Variants in CFAP20DC observed in about 807,000 individuals in gnomAD.
The protein encoded by CFAP20DC is CFAP20 domain containing.
Under a neutral mutation model 101.7 loss-of-function variants are expected in CFAP20DC, and 84 were observed. The observed-to-expected ratio is 0.83, with a 90% CI of 0.69 to 0.99. The LOEUF (loss-of-function observed/expected upper bound fraction) is 0.99. Ranked by LOEUF, CFAP20DC falls within the 50% of genes least tolerant of loss-of-function variation. The pLI is 0.00. For synonymous variants in CFAP20DC, 359 were observed against 351.2 expected (o/e 1.02, Z -0.25); for missense variants, 1,007 against 970.3 (o/e 1.04, Z -0.50).
chr3:58,803,417 A>G (rs1330652745), intron 15 of CFAP20DC, among the ~76,000 whole-genome samples: 2 of 152,178 alleles, frequency 1.3e-5, no homozygotes, highest in Non-Finnish European at 2.9e-5. Flanking sequence ...ATATTTTTTC[A>G]TATTAATTAT....
intron 5 of CFAP20DC, among the ~76,000 whole-genome samples, chr3:58,918,162 CTCCTTCAACTCTGGAGTTGAAGT>C (rs1428510309): frequency 1.3e-5 from 2 of 152,160 alleles, no homozygotes; most frequent in Admixed American, 6.5e-5. Flanking sequence ...GATATTACTT[CTCCTTCAACTCTGGAGTTGAAGT>C]TCACTTATGG....
chr3:58,976,435 T>A (rs1358536537), intron 4 of CFAP20DC, among the ~76,000 whole-genome samples: 2 of 152,174 alleles, frequency 1.3e-5, no homozygotes, highest in African/African-American at 4.8e-5. Context: ...CAGCACCAGC[T>A]GAGGAAAGCT....
At chr3:58,856,346 C>G (rs998483271) in intron 12 of CFAP20DC, among the ~76,000 whole-genome samples, 4 of 148,482 alleles carry the variant, frequency 2.7e-5, no homozygotes, top group Admixed American at 6.8e-5. Flanking sequence ...TTTCAGTGTT[C>G]CAGATAGGGT....
chr3:58,866,294 T>C (rs999992569), intron 11 of CFAP20DC, among the ~76,000 whole-genome samples: 6 of 152,204 alleles, frequency 3.9e-5, no homozygotes, highest in Admixed American at 2.6e-4. Flanking sequence ...CTGGTCATCT[T>C]TGGGGAGGGT....
At chr3:58,860,195 GAAAGAAA>G (rs2079137303) in intron 12 of CFAP20DC, among the ~76,000 whole-genome samples, 3 of 123,632 alleles carry the variant, frequency 2.4e-5, no homozygotes, top group Non-Finnish European at 5.3e-5. Context: ...AAAAAAAAAA[GAAAGAAA>G]AAAGAAAAAA....
chr3:58,971,864 TACACACAC>T lies in CFAP20DC; in HGVS notation c.279-34110_279-34103del, dbSNP rs34030341. Among the ~76,000 whole-genome samples, 1 of 142,380 alleles carries T rather than the reference TACACACAC, an allele frequency of 7.0e-6. No homozygotes were observed. The highest frequency in any genetic ancestry group is 1.6e-5 in the Non-Finnish European group (1 of 64,158). 93.4% of individuals were successfully genotyped at this position (142,380 alleles called of 152,430 possible). ...CTGTAATATCATACACACGCACACA[TACACACAC>T]ACACACACACACACACACACAATTA... On this transcript the variant is annotated intron_variant, in intron 4 of 16. Coordinates refer to ENST00000482387, the MANE Select transcript of CFAP20DC (RefSeq NM_001394063.1). This position sits in a 1 kb window ranked among gnomAD's most constrained non-coding sequence, Gnocchi z 4.1.
chr3:58,744,651 G>A (rs1196221086), intron 16 of CFAP20DC, among the ~76,000 whole-genome samples: 1 of 152,110 alleles, frequency 6.6e-6, no homozygotes, highest in Non-Finnish European at 1.5e-5. Flanking sequence ...GGTGACAGCA[G>A]CCCTTCTGGA....
chr3:58,979,936 A>G (rs979148920), intron 4 of CFAP20DC, among the ~76,000 whole-genome samples: 3 of 152,048 alleles, frequency 2.0e-5, no homozygotes, highest in Non-Finnish European at 2.9e-5. Context: ...CCAGTGTCAA[A>G]TGATTGGTAG....
chr3:58,785,251 G>A (rs1030795372), intron 15 of CFAP20DC, among the ~76,000 whole-genome samples: 1 of 152,068 alleles, frequency 6.6e-6, no homozygotes, highest in Non-Finnish European at 1.5e-5. Flanking sequence ...GAGGTAGAGA[G>A]TAGAATGATA....
At chr3:58,766,507 C>G (rs548572278) in intron 15 of CFAP20DC, among the ~76,000 whole-genome samples, 4 of 152,274 alleles carry the variant, frequency 2.6e-5, no homozygotes, top group South Asian at 4.1e-4. Context: ...ATTCACTCAT[C>G]CTGGCTTCAT....
At chr3:59,038,537 G>T (rs750521176) in intron 4 of CFAP20DC, among the ~76,000 whole-genome samples, 1 of 152,196 alleles carries the variant, frequency 6.6e-6, no homozygotes, top group African/African-American at 2.4e-5. Flanking sequence ...TAGCAACCCT[G>T]TGTCAAGAAA....
At position 58,882,754 on chromosome 3, in the gene CFAP20DC, A is replaced by G. The variant is rs922875391; in HGVS notation, c.715+1791T>C. Among the ~76,000 whole-genome samples the G allele has an allele frequency of 3.3e-5, 5 of 152,168 alleles. No homozygotes were observed. Among genetic ancestry groups the G allele is most frequent in the Admixed American group, 1.3e-4 (2 of 15,266 alleles). On this transcript the variant is annotated intron_variant, in intron 7 of 16. Coordinates refer to ENST00000482387, the MANE Select transcript of CFAP20DC (RefSeq NM_001394063.1). The surrounding 1 kb of genome is among the most constrained non-coding windows in gnomAD (Gnocchi z 4.2). ...TAAATATAGTATATATAGTAAGCAT[A>G]CAAATTCCCATTGTGTGTGCCTGCA...
At chr3:59,012,057 C>T (rs999061311) in intron 4 of CFAP20DC, among the ~76,000 whole-genome samples, 1 of 152,174 alleles carries the variant, frequency 6.6e-6, no homozygotes, top group Non-Finnish European at 1.5e-5. Flanking sequence ...TAGCTTATCT[C>T]TTCATAGAAC....
chr3:58,961,707 T>C (rs982629658), intron 4 of CFAP20DC, among the ~76,000 whole-genome samples: 5 of 152,330 alleles, frequency 3.3e-5, no homozygotes, highest in Admixed American at 6.5e-5. Flanking sequence ...TTACTTGTTA[T>C]ATGTCTATTG....
At chr3:58,785,195 C>G (rs1219728709) in intron 15 of CFAP20DC, among the ~76,000 whole-genome samples, 1 of 152,038 alleles carries the variant, frequency 6.6e-6, no homozygotes, top group Non-Finnish European at 1.5e-5. Context: ...AGACAAATAC[C>G]TCATGTTCTC....
intron 5 of CFAP20DC, among the ~76,000 whole-genome samples, chr3:58,918,080 T>A (rs975845214): frequency 1.4e-4 from 22 of 152,210 alleles, no homozygotes; most frequent in African/African-American, 5.3e-4. Flanking sequence ...TTACGAAAAG[T>A]ACTTACATTC....
At position 58,742,125 on chromosome 3, in the gene CFAP20DC, CT is replaced by C. The variant is rs2107127134; in HGVS notation, c.*334del. ...TCAAGCCATCATTTACAGATTAACA[CT>C]GCAAAAAATTTGAATGAATAACTCT... On this transcript the variant is annotated 3_prime_UTR_variant, in exon 17 of 17. Coordinates refer to ENST00000482387, the MANE Select transcript of CFAP20DC (RefSeq NM_001394063.1). The C allele has an allele frequency of 4.2e-6, 4 of 942,004 alleles. No individual in the cohort carries two copies. In the South Asian group the frequency reaches 1.5e-4, roughly 35 times the overall value. The allele number at this position is 942,004 out of a possible 1,614,324, so 58.4% of individuals were successfully genotyped here.
chr3:59,041,396 A>C (rs1452345160), intron 3 of CFAP20DC, among the ~76,000 whole-genome samples: 2 of 152,148 alleles, frequency 1.3e-5, no homozygotes, highest in Non-Finnish European at 2.9e-5. Context: ...ATTAAAAGAA[A>C]TATTATGATA....
intron 4 of CFAP20DC, among the ~76,000 whole-genome samples, chr3:58,945,098 A>G (rs962327298): frequency 6.6e-6 from 1 of 152,188 alleles, no homozygotes; most frequent in African/African-American, 2.4e-5. Flanking sequence ...ACCCTACAAG[A>G]TATCTACTAT....
Sources: gnomAD v4.1 joint callset for allele counts (sites outside exome capture counted in the v4.1 genomes callset) on GRCh38, gnomAD v4.1.1 for gene constraint, Gnocchi (gnomAD v3.1) non-coding constraint, MANE v1.5 for transcripts, NCBI Gene and HGNC (gene_info 2026-07-23, HGNC 2026-07-21) for gene names.